Variants in KLF8 observed in about 807,000 individuals in gnomAD.
The protein encoded by KLF8 is KLF transcription factor 8, also known as Krueppel-like factor 8.
In KLF8, 10 loss-of-function variants were observed where a neutral mutation model predicts 18.2. The ratio of observed to expected loss-of-function variants is 0.55; its 90% CI spans 0.34 to 0.93. The LOEUF is 0.93. Ranked by LOEUF, KLF8 falls within the 40% of genes least tolerant of loss-of-function variation. The pLI is 0.02. For synonymous variants in KLF8, 109 were observed against 97.3 expected (o/e 1.12, Z -0.71); for missense variants, 264 against 277.9 (o/e 0.95, Z 0.36).
chrX:55,964,785 A>T, the KLF8 span, among the ~76,000 whole-genome samples: 1 of 111,993 alleles, frequency 8.9e-6, no homozygotes, highest in Admixed American at 9.4e-5. Context: ...ACTTCTATGT[A>T]CACAAATTAG....
At chrX:56,179,819 C>T in the KLF8 span, among the ~76,000 whole-genome samples, 15 of 111,892 alleles carry the variant, frequency 1.3e-4, no homozygotes, top group Non-Finnish European at 2.4e-4. Context: ...GTTGAAACAG[C>T]CTTGCATCCC....
chrX:56,200,108 G>A, the KLF8 span, among the ~76,000 whole-genome samples: 52 of 111,153 alleles, frequency 4.7e-4, no homozygotes, highest in Admixed American at 1.2e-3. Context: ...GGGAGGGATA[G>A]CATTAGGAGA....
At chrX:56,173,971 C>T in the KLF8 span, among the ~76,000 whole-genome samples, 1 of 111,922 alleles carries the variant, frequency 8.9e-6, no homozygotes, top group African/African-American at 3.2e-5. Context: ...GCTGAAGTTG[C>T]CTATCATCTT....
the KLF8 span, among the ~76,000 whole-genome samples, chrX:56,109,885 C>G: frequency 9.0e-6 from 1 of 110,885 alleles, no homozygotes; most frequent in African/African-American, 3.3e-5. Flanking sequence ...TGCAACCCAT[C>G]ACCTATTAAG....
the KLF8 span, among the ~76,000 whole-genome samples, chrX:55,986,775 T>C: frequency 1.8e-5 from 2 of 112,080 alleles, no homozygotes; most frequent in African/African-American, 6.5e-5. Context: ...GGGAGTTTTG[T>C]GTATACATTA....
chrX:56,055,782 T>C, the KLF8 span, among the ~76,000 whole-genome samples: 1 of 111,790 alleles, frequency 8.9e-6, no homozygotes, highest in South Asian at 3.7e-4. Context: ...TTTTCTCTCT[T>C]CTTGTCTGGC....
the KLF8 span, among the ~76,000 whole-genome samples, chrX:56,062,888 G>A: frequency 9.1e-6 from 1 of 109,820 alleles, no homozygotes; most frequent in Admixed American, 9.7e-5. Context: ...TTCTAATCTT[G>A]TCTTCATGTT....
chrX:56,048,865 G>A, the KLF8 span, among the ~76,000 whole-genome samples: 2 of 111,551 alleles, frequency 1.8e-5, no homozygotes, highest in East Asian at 5.6e-4. Context: ...GGGCAGTATG[G>A]CCGTTTTCAT....
chrX:56,139,453 A>G, the KLF8 span, among the ~76,000 whole-genome samples: 1 of 111,850 alleles, frequency 8.9e-6, no homozygotes, highest in Non-Finnish European at 1.9e-5. Flanking sequence ...CAAAAAACAA[A>G]CACATAGACT....
chrX:55,935,031 A>G, the KLF8 span, among the ~76,000 whole-genome samples: 1 of 112,030 alleles, frequency 8.9e-6, no homozygotes, highest in South Asian at 3.7e-4. Context: ...GATTAGTTTC[A>G]TACTAATACT....
At chrX:56,063,709 A>G in the KLF8 span, among the ~76,000 whole-genome samples, 10 of 111,462 alleles carry the variant, frequency 9.0e-5, no homozygotes, top group African/African-American at 1.6e-4. Flanking sequence ...TGCTCTCTTC[A>G]GAGCTGGCAG....
At chrX:55,914,578 A>T in the KLF8 span, among the ~76,000 whole-genome samples, 1 of 111,837 alleles carries the variant, frequency 8.9e-6, no homozygotes, top group East Asian at 2.8e-4. Flanking sequence ...AGCAAGTAAA[A>T]TGTGGGTGAT....
the KLF8 span, among the ~76,000 whole-genome samples, chrX:56,161,303 G>A: frequency 9.1e-6 from 1 of 110,368 alleles, no homozygotes; most frequent in African/African-American, 3.3e-5. Context: ...CCCGACCTTT[G>A]AATGTTGGCC....
At chrX:55,933,232 T>C in the KLF8 span, among the ~76,000 whole-genome samples, 14 of 111,939 alleles carry the variant, frequency 1.3e-4, no homozygotes, top group African/African-American at 4.2e-4. Context: ...TAATTTTATC[T>C]TTTCCCATAT....
the KLF8 span, among the ~76,000 whole-genome samples, chrX:55,984,913 A>T: frequency 1.8e-5 from 2 of 110,039 alleles, no homozygotes; most frequent in Non-Finnish European, 3.8e-5. Context: ...TGGTTGCAGG[A>T]ATGTCTTCTT....
the KLF8 span, among the ~76,000 whole-genome samples, chrX:56,183,008 G>T: frequency 8.9e-6 from 1 of 112,555 alleles, no homozygotes; most frequent in Non-Finnish European, 1.9e-5. Flanking sequence ...GTCAGACATG[G>T]ACGTTTAAGT....
the KLF8 span, among the ~76,000 whole-genome samples, chrX:56,140,816 A>AAAG: frequency 3.6e-4 from 38 of 104,473 alleles, no homozygotes; most frequent in African/African-American, 6.8e-4. Context: ...AAAAAAAAAA[A>AAAG]AAAGAAATGC....
intron 2 of KLF8, among the ~76,000 whole-genome samples, chrX:56,258,268 T>TTTG (rs759457738): frequency 6.3e-5 from 7 of 111,942 alleles, no homozygotes; most frequent in Non-Finnish European, 1.1e-4. Context: ...CATAGCTACC[T>TTTG]TTGTTGTTGT....
chrX:56,191,682 A>G, the KLF8 span, among the ~76,000 whole-genome samples: 1 of 112,014 alleles, frequency 8.9e-6, no homozygotes, highest in Non-Finnish European at 1.9e-5. Context: ...TCGTATCAAC[A>G]AAATGAATGG....
Sources: allele counts gnomAD v4.1 joint callset (sites outside exome capture counted in the v4.1 genomes callset), GRCh38; gene constraint gnomAD v4.1.1; transcripts MANE v1.5; gene names NCBI Gene and HGNC (gene_info 2026-07-23, HGNC 2026-07-21).